The following ZBTB20 variants were observed in gnomAD, a reference collection of about 807,000 sequenced individuals.
ZBTB20 encodes the protein zinc finger and BTB domain-containing protein 20.
In ZBTB20, 9 loss-of-function variants were observed where a neutral mutation model predicts 56.9. The ratio of observed to expected loss-of-function variants is 0.16; its 90% confidence interval spans 0.10 to 0.28. The LOEUF is 0.28. Among genes scored for constraint, ZBTB20 ranks in the 10% least tolerant of loss-of-function variants. The pLI, the probability that ZBTB20 is intolerant of heterozygous loss-of-function variation, is 1.00. For synonymous variants in ZBTB20, 417 were observed against 420.7 expected (o/e 0.99, Z 0.11); for missense variants, 655 against 1,003.0 (o/e 0.65, Z 4.69).
chr3:114,348,292 C>A (rs2108175630), intron 11 of ZBTB20, among the ~76,000 whole-genome samples: 1 of 152,288 alleles, frequency 6.6e-6, no homozygotes, highest in African/African-American at 2.4e-5. Context: ...ACCCCTCCCC[C>A]ATGTTCCTTA....
intron 6 of ZBTB20, among the ~76,000 whole-genome samples, chr3:114,558,987 C>T (rs77792107): frequency 2.3e-3 from 349 of 152,272 alleles, no homozygotes; most frequent in African/African-American, 7.3e-3. Context: ...CATCTCCTTA[C>T]ATGCCATCCG....
chr3:114,532,849 G>C (rs1284652712), intron 6 of ZBTB20, among the ~76,000 whole-genome samples: 3 of 152,144 alleles, frequency 2.0e-5, no homozygotes, highest in African/African-American at 7.2e-5. Flanking sequence ...AGGCAAACAG[G>C]GTCTGGAGTG....
intron 5 of ZBTB20, among the ~76,000 whole-genome samples, chr3:114,701,747 T>C (rs1359429433): frequency 1.3e-5 from 2 of 151,612 alleles, no homozygotes; most frequent in African/African-American, 2.4e-5. Flanking sequence ...TGAAACCATC[T>C]AACTGAAAAA....
chr3:114,955,210 G>A (rs2077205900), intron 3 of ZBTB20, among the ~76,000 whole-genome samples: 1 of 152,114 alleles, frequency 6.6e-6, no homozygotes, highest in Non-Finnish European at 1.5e-5. Context: ...AGAGATTCTT[G>A]GACAAGTTAC....
chr3:115,036,087 A>T (rs2080906399), intron 2 of ZBTB20, among the ~76,000 whole-genome samples: 1 of 152,070 alleles, frequency 6.6e-6, no homozygotes, highest in African/African-American at 2.4e-5. Context: ...AAAAATGAGG[A>T]GTTGTTCTTT....
chr3:115,031,780 A>ATTGATAT (rs1431741340), intron 2 of ZBTB20, among the ~76,000 whole-genome samples: 1 of 151,526 alleles, frequency 6.6e-6, no homozygotes, highest in Non-Finnish European at 1.5e-5. Context: ...TTTAGTGTCA[A>ATTGATAT]TTGATATTAA....
chr3:114,351,811 G>T lies in ZBTB20; in HGVS notation c.267C>A (p.Ser89=), dbSNP rs780733321. ...HSINLHNFSN[S]VLETLNEQRN... ...GCTGCTCGTTGAGGGTCTCGAGCAC[G>T]GAATTGCTGAAGTTGTGAAGGTTGA... is the stretch of plus-strand genomic sequence containing the variant. The change falls in exon 11 of 12, where the codon TCC becomes TCA. Residue 89 remains serine (S), a synonymous_variant. Coordinates refer to ENST00000675478, the MANE Select transcript of ZBTB20 (RefSeq NM_001348800.3). The T allele has an allele frequency of 1.8e-5, 29 of 1,606,610 alleles. No homozygotes were observed. Among genetic ancestry groups the T allele is most frequent in the Non-Finnish European group, 2.3e-5 (27 of 1,173,838 alleles).
chr3:114,517,229 G>A (rs983454453), intron 6 of ZBTB20, among the ~76,000 whole-genome samples: 3 of 152,102 alleles, frequency 2.0e-5, no homozygotes, highest in Non-Finnish European at 2.9e-5. Flanking sequence ...GTCAGACATC[G>A]TTCTAGGCAC....
intron 2 of ZBTB20, among the ~76,000 whole-genome samples, chr3:115,027,762 T>C (rs949197199): frequency 6.6e-6 from 1 of 150,926 alleles, no homozygotes; most frequent in African/African-American, 2.4e-5. Context: ...ACTAATAAAA[T>C]TGAAAATCTC....
rs148954907 is a variant in ZBTB20, at chr3:114,756,476, T to G, written c.-343+44625A>C. Among the ~76,000 whole-genome samples the G allele has an allele frequency of 2.9e-3, 447 of 152,298 alleles. 2 individuals are homozygous for G. Among genetic ancestry groups the G allele is most frequent in the African/African-American group, 9.5e-3 (395 of 41,580 alleles). On this transcript the variant is annotated intron_variant, in intron 5 of 11. Transcript: ENST00000675478. ...ATTACACACACAAAAAAGTTTTGGC[T>G]TAATCAGCCTAATAAAGTGTATATT...
intron 4 of ZBTB20, among the ~76,000 whole-genome samples, chr3:114,818,795 C>A (rs1031122013): frequency 6.6e-6 from 1 of 151,684 alleles, no homozygotes; most frequent in African/African-American, 2.4e-5. Context: ...CCCTCTACCA[C>A]AACGATTACT....
chr3:114,541,457 T>A (rs751476912), intron 6 of ZBTB20, among the ~76,000 whole-genome samples: 1 of 152,166 alleles, frequency 6.6e-6, no homozygotes, highest in Non-Finnish European at 1.5e-5. Flanking sequence ...TAGTTTTACA[T>A]AATCAATATG....
chr3:115,089,621 T>C (rs1225476173), intron 1 of ZBTB20, among the ~76,000 whole-genome samples: 1 of 151,736 alleles, frequency 6.6e-6, no homozygotes, highest in Admixed American at 6.6e-5. Context: ...AAAAATATAA[T>C]AGGATGTAAT....
chr3:114,389,308 T>A (rs925702102), intron 7 of ZBTB20, among the ~76,000 whole-genome samples: 3 of 152,104 alleles, frequency 2.0e-5, no homozygotes, highest in Non-Finnish European at 4.4e-5. Flanking sequence ...TGCTTTCACC[T>A]AACTGCCTGT....
chr3:114,394,215 C>T (rs116666484), intron 7 of ZBTB20, among the ~76,000 whole-genome samples: 78 of 152,210 alleles, frequency 5.1e-4, no homozygotes, highest in Non-Finnish European at 1.1e-3. Flanking sequence ...TTTTAGTATA[C>T]CCATTTTACA....
In ZBTB20 at chr3:114,959,716, T is replaced by TACAC. The variant is rs1356999465; in HGVS notation, c.-456+14649_-456+14650insGTGT. Among the ~76,000 whole-genome samples, 60 of 107,794 alleles carry TACAC rather than the reference T, an allele frequency of 5.6e-4. 1 individual carries two copies. Among genetic ancestry groups the TACAC allele is most frequent in the Admixed American group, 1.7e-3 (18 of 10,590 alleles). 70.7% of individuals were successfully genotyped at this position (107,794 alleles called of 152,430 possible). On this transcript the variant is annotated intron_variant, in intron 3 of 11. Transcript: ENST00000675478. Reference sequence around the variant, plus strand: ...ACACACACACACATCTATATTTATATACATACACACACACACACACACACA... The same window carrying TACAC: ...ACACACACACACATCTATATTTATATACACACATACACACACACACACACACACA...
chr3:114,646,872 TA>T (rs775544514), intron 6 of ZBTB20, among the ~76,000 whole-genome samples: 17 of 152,282 alleles, frequency 1.1e-4, no homozygotes, highest in Admixed American at 2.0e-4. Context: ...GAAGGAAAAA[TA>T]AAAGATTCAG....
At chr3:114,405,464 A>G (rs1198315166) in intron 7 of ZBTB20, among the ~76,000 whole-genome samples, 1 of 152,154 alleles carries the variant, frequency 6.6e-6, no homozygotes, top group Non-Finnish European at 1.5e-5. Context: ...AACTCTGACA[A>G]CACCTGGCTG....
chr3:114,326,178 G>A lies in ZBTB20; in HGVS notation c.*12827C>T, dbSNP rs1355267387. The A allele has an allele frequency of 6.6e-6, 1 of 151,970 alleles. No individual in the cohort carries two copies. The highest frequency in any genetic ancestry group is 1.5e-5 in the Non-Finnish European group (1 of 67,978). The allele number at this position is 151,970 out of a possible 1,614,324, so 9.4% of individuals were successfully genotyped here. A position where few individuals can be genotyped will look rare whatever the true frequency, so the allele number is the denominator to read the frequency against. On this transcript the variant is annotated 3_prime_UTR_variant, in exon 12 of 12. Coordinates refer to ENST00000675478, the MANE Select transcript of ZBTB20 (RefSeq NM_001348800.3). ...CAGCACCCCTTCCTTTTCTTTCCTG[G>A]GTATCTTGCAGTAGATATTAATTAG... is the stretch of plus-strand genomic sequence containing the variant.
Sources: allele counts gnomAD v4.1 joint callset (sites outside exome capture counted in the v4.1 genomes callset), GRCh38; gene constraint gnomAD v4.1.1; transcripts MANE v1.5; gene names NCBI Gene and HGNC (gene_info 2026-07-23, HGNC 2026-07-21).